TMIGD2: variants seen among roughly 807,000 people sequenced by gnomAD.
TMIGD2 encodes transmembrane and immunoglobulin domain-containing protein 2.
A neutral mutation model predicts 22.6 loss-of-function variants in TMIGD2; 18 were observed. The observed-to-expected ratio is 0.80, with a 90% CI of 0.55 to 1.18. The LOEUF is 1.18. Among genes scored for constraint, TMIGD2 ranks in the 50% most tolerant of loss-of-function variants. The probability of loss-of-function intolerance (pLI) is 0.00; values close to 1 mark genes in which losing one functional copy is unlikely to be tolerated. For synonymous variants in TMIGD2, 184 were observed against 154.1 expected (o/e 1.19, Z -1.44); for missense variants, 361 against 378.2 (o/e 0.95, Z 0.38).
At chr19:4,298,749 T>TAA (rs201838273) in intron 1 of TMIGD2, among the ~76,000 whole-genome samples, 1 of 146,828 alleles carries the variant, frequency 6.8e-6, no homozygotes, top group African/African-American at 2.5e-5. Flanking sequence ...AAATTTAACA[T>TAA]AAAAAAAAAA....
At chr19:4,293,163 C>CG (rs1287122013) in intron 4 of TMIGD2, among the ~76,000 whole-genome samples, 1 of 151,674 alleles carries the variant, frequency 6.6e-6, no homozygotes, top group Non-Finnish European at 1.5e-5. Context: ...CGGGGTTTCA[C>CG]TGTTAGCCAG....
exon 2 of TMIGD2, chr19:4,298,239 G>A: frequency 6.2e-7 from 1 of 1,612,954 alleles, no homozygotes. Flanking sequence ...GCCGTTCCCA[G>A]GCTGTGGCCT....
intron 4 of TMIGD2, 71 bp downstream of exon 4, chr19:4,294,508 G>A: frequency 6.9e-7 from 1 of 1,446,444 alleles, no homozygotes; most frequent in Non-Finnish European, 9.7e-7. Context: ...GAGCACAGAT[G>A]CAGTGGGTCT....
chr19:4,301,248 A>G (rs1399193214), intron 1 of TMIGD2, among the ~76,000 whole-genome samples: 4 of 152,158 alleles, frequency 2.6e-5, no homozygotes, highest in Non-Finnish European at 5.9e-5. Context: ...AGTTTTAATA[A>G]AAAGACCTTG....
Position 4,294,733 on chromosome 19 carries a change from C to T in TMIGD2, c.448+42G>A, listed in dbSNP as rs764858968. The stretch of plus-strand genomic sequence containing the variant: ...ATCAGGAGGGGAAGGGGTGGTGATG[C>T]GGGTGGAAGACGCTGGGGGAGGAAC... On this transcript the variant is annotated intron_variant, in intron 3 of 4. Coordinates refer to ENST00000301272, the Ensembl canonical transcript of TMIGD2. 1.1e-4 allele frequency: 165 copies of T among 1,568,342 alleles called. 1 individual carries two copies. Among genetic ancestry groups the T allele is most frequent in the South Asian group, 9.5e-4 (79 of 83,508 alleles).
intron 2 of TMIGD2, 43 bp from the exon 3 acceptor site, chr19:4,294,859 C>A: frequency 6.5e-7 from 1 of 1,529,862 alleles, no homozygotes; most frequent in Non-Finnish European, 8.8e-7. Flanking sequence ...CAGGCTTCTC[C>A]ACCCTCCAAG....
chr19:4,292,721 T>A (rs1971398103), exon 5 of TMIGD2: 1 of 1,607,348 alleles, frequency 6.2e-7, no homozygotes, highest in African/African-American at 1.3e-5. Context: ...GGTCTCGGGC[T>A]GGGGCAGGGT....
intron 1 of TMIGD2, among the ~76,000 whole-genome samples, chr19:4,300,975 T>G (rs1158629126): frequency 6.6e-6 from 1 of 152,088 alleles, no homozygotes; most frequent in Non-Finnish European, 1.5e-5. Flanking sequence ...TTTGTTTTTG[T>G]TTTTGTTTTT....
intron 1 of TMIGD2, among the ~76,000 whole-genome samples, chr19:4,299,569 C>G (rs1168121384): frequency 6.6e-6 from 1 of 151,208 alleles, no homozygotes; most frequent in Non-Finnish European, 1.5e-5. Flanking sequence ...GTGGCACCAT[C>G]AAAGTTCATT....
chr19:4,299,999 G>A (rs1015745272), intron 1 of TMIGD2, among the ~76,000 whole-genome samples: 28 of 152,168 alleles, frequency 1.8e-4, no homozygotes, highest in African/African-American at 6.3e-4. Flanking sequence ...AGTGGCTCAC[G>A]CCTGTAATCC....
chr19:4,294,458 TCTC>T (rs374307311), intron 4 of TMIGD2, 118 bp downstream of exon 4: 20 of 922,976 alleles, frequency 2.2e-5, no homozygotes, highest in African/African-American at 1.2e-4. Flanking sequence ...GAGCCAGGCT[TCTC>T]CTCCCTTCAT....
intron 2 of TMIGD2, among the ~76,000 whole-genome samples, chr19:4,297,214 C>G (rs1037733292): frequency 1.3e-5 from 2 of 151,116 alleles, no homozygotes; most frequent in Non-Finnish European, 2.9e-5. Flanking sequence ...ATTACAGGCT[C>G]ACACCACCAT....
intron 2 of TMIGD2, among the ~76,000 whole-genome samples, chr19:4,297,712 G>T (rs895490691): frequency 2.0e-5 from 3 of 152,026 alleles, no homozygotes; most frequent in Admixed American, 1.3e-4. Flanking sequence ...AAAATTAGCT[G>T]GGCGTGCTGG....
intron 1 of TMIGD2, among the ~76,000 whole-genome samples, chr19:4,298,830 A>C (rs1173022068): frequency 6.6e-6 from 1 of 152,154 alleles, no homozygotes; most frequent in Non-Finnish European, 1.5e-5. Context: ...CCCCATCTGT[A>C]AGATGGGTAT....
Position 4,295,260 on chromosome 19 carries a change from C to CA in TMIGD2, c.407-445dup, listed in dbSNP as rs1223910504. ...TGGGTGACAGAGCAAGACTCTGCCT[C>CA]AAAAAAAAAAAAAAAGAAGGCCAGG... On this transcript the variant is annotated intron_variant, in intron 2 of 4. Coordinates refer to ENST00000301272, the Ensembl canonical transcript of TMIGD2. 1.0e-2 allele frequency among the ~76,000 whole-genome samples: 789 copies of CA among 79,224 alleles called. 19 individuals carry two copies. The highest frequency in any genetic ancestry group is 0.011 in the Non-Finnish European group (507 of 44,120). The allele number at this position is 79,224 out of a possible 152,430, so 52.0% of individuals were successfully genotyped here. A position where few individuals can be genotyped will look rare whatever the true frequency, so the allele number is the denominator to read the frequency against.
At chr19:4,293,022 G>A in intron 4 of TMIGD2, 137 bp from the exon 5 acceptor site, 1 of 1,332,022 alleles carries the variant, frequency 7.5e-7, no homozygotes, top group Non-Finnish European at 1.0e-6. Context: ...GGAGTGCAGT[G>A]GCGCAATCTC....
chr19:4,292,745 G>A, exon 5 of TMIGD2: 1 of 1,610,296 alleles, frequency 6.2e-7, no homozygotes, highest in Non-Finnish European at 8.5e-7. Flanking sequence ...GACGCCAGGT[G>A]CGGCTGGCGG....
chr19:4,296,679 C>G (rs532328249), intron 2 of TMIGD2, among the ~76,000 whole-genome samples: 2 of 150,542 alleles, frequency 1.3e-5, no homozygotes, highest in South Asian at 4.3e-4. Context: ...GGTAACACAG[C>G]CATAACACAC....
At chr19:4,293,110 C>A (rs1971406174) in intron 4 of TMIGD2, among the ~76,000 whole-genome samples, 1 of 151,938 alleles carries the variant, frequency 6.6e-6, no homozygotes, top group South Asian at 2.1e-4. Context: ...ACTACAGGCT[C>A]CCGCCACCAT....
Sources: gnomAD v4.1 joint callset for allele counts (sites outside exome capture counted in the v4.1 genomes callset) on GRCh38, gnomAD v4.1.1 for gene constraint, MANE v1.5 for transcripts, NCBI Gene and HGNC (gene_info 2026-07-23, HGNC 2026-07-21) for gene names.